CREB5: variants seen among roughly 807,000 people sequenced by gnomAD.
CREB5 encodes cyclic AMP-responsive element-binding protein 5.
A neutral mutation model predicts 57.1 loss-of-function variants in CREB5; 19 were observed. The observed-to-expected ratio is 0.33, with a 90% CI of 0.23 to 0.49. The LOEUF is 0.49. Ranked by LOEUF, CREB5 falls within the 20% of genes least tolerant of loss-of-function variation. The pLI, the probability that CREB5 is intolerant of heterozygous loss-of-function variation, is 0.99. For missense variants in CREB5, 579 were observed against 671.6 expected (o/e 0.86, Z 1.52); for synonymous variants, 238 against 238.3 (o/e 1.00, Z 0.01).
intron 1 of CREB5, among the ~76,000 whole-genome samples, chr7:28,346,755 T>C (rs1786065081): frequency 6.6e-6 from 1 of 152,176 alleles, no homozygotes; most frequent in Non-Finnish European, 1.5e-5. Flanking sequence ...GGCCATCTTC[T>C]GGCTGAGCTC....
At chr7:28,525,422 A>AT (rs1264771614) in intron 4 of CREB5, among the ~76,000 whole-genome samples, 1 of 152,130 alleles carries the variant, frequency 6.6e-6, no homozygotes, top group Non-Finnish European at 1.5e-5. Context: ...CATAGTGGCT[A>AT]TGCTAGCTTA....
intron 3 of CREB5, among the ~76,000 whole-genome samples, chr7:28,504,917 A>G (rs527331867): frequency 7.7e-4 from 118 of 152,262 alleles, no homozygotes; most frequent in African/African-American, 2.7e-3. Context: ...TTTGCTGAAA[A>G]AAAGGAGTGT....
chr7:28,481,126 C>T (rs1050910518), intron 1 of CREB5, among the ~76,000 whole-genome samples: 1 of 152,234 alleles, frequency 6.6e-6, no homozygotes, highest in East Asian at 1.9e-4. Context: ...TCTCCTGTTA[C>T]GGCCCCCTCT....
intron 1 of CREB5, among the ~76,000 whole-genome samples, chr7:28,342,925 A>C (rs962957092): frequency 6.6e-6 from 1 of 151,908 alleles, no homozygotes; most frequent in African/African-American, 2.4e-5. Context: ...TCTTCTGGCT[A>C]TTTTGAAATA....
chr7:28,393,244 G>A (rs1347429802), intron 1 of CREB5, among the ~76,000 whole-genome samples: 1 of 152,054 alleles, frequency 6.6e-6, no homozygotes, highest in African/African-American at 2.4e-5. Flanking sequence ...ATGTTTTTAA[G>A]TCAAGAAATT....
chr7:28,351,715 C>T (rs985155521), intron 1 of CREB5, among the ~76,000 whole-genome samples: 2 of 151,938 alleles, frequency 1.3e-5, no homozygotes, highest in African/African-American at 2.4e-5. Context: ...CACTTTCAAG[C>T]ATTACATTGA....
chr7:28,703,104 A>G (rs1801945933), intron 5 of CREB5, among the ~76,000 whole-genome samples: 1 of 152,236 alleles, frequency 6.6e-6, no homozygotes, highest in Non-Finnish European at 1.5e-5. Context: ...GAACAGGGAA[A>G]TGTCATGACC....
At chr7:28,357,603 C>T (rs893615703) in intron 1 of CREB5, among the ~76,000 whole-genome samples, 1 of 152,060 alleles carries the variant, frequency 6.6e-6, no homozygotes, top group African/African-American at 2.4e-5. Context: ...CCTTCTTTTC[C>T]TTTTCCTGCT....
intron 7 of CREB5, among the ~76,000 whole-genome samples, chr7:28,786,888 G>A (rs2128788112): frequency 6.6e-6 from 1 of 152,288 alleles, no homozygotes; most frequent in African/African-American, 2.4e-5. Flanking sequence ...GAATGTCAGG[G>A]CTAAAGCTTT....
At chr7:28,560,947 T>TGTCC (rs1795206844) in intron 4 of CREB5, among the ~76,000 whole-genome samples, 9 of 21,198 alleles carry the variant, frequency 4.2e-4, no homozygotes, top group Admixed American at 1.1e-3. Context: ...CGTGCGTGTG[T>TGTCC]GTGCGTGTGT....
intron 1 of CREB5, among the ~76,000 whole-genome samples, chr7:28,425,275 A>AG (rs1393700434): frequency 6.6e-6 from 1 of 152,172 alleles, no homozygotes; most frequent in Non-Finnish European, 1.5e-5. Context: ...TAAAAAAAAA[A>AG]CTACTGAAAT....
chr7:28,662,882 C>T (rs1453863880), intron 5 of CREB5, among the ~76,000 whole-genome samples: 7 of 152,104 alleles, frequency 4.6e-5, no homozygotes, highest in African/African-American at 1.7e-4. Flanking sequence ...CGCAGTGGCT[C>T]ACACCTGTAA....
At chr7:28,672,530 C>T (rs1012571081) in intron 5 of CREB5, among the ~76,000 whole-genome samples, 1 of 152,152 alleles carries the variant, frequency 6.6e-6, no homozygotes, top group Non-Finnish European at 1.5e-5. Context: ...AAAATAGGCT[C>T]TGATAAACTC....
rs1804058540 is a variant in CREB5, at chr7:28,737,538, C to CGTATGTATATATATATATATATATAT, written c.702+13210_702+13211insGTATATATATATATATATATATGTAT. Among the ~76,000 whole-genome samples the CGTATGTATATATATATATATATATAT allele has an allele frequency of 4.2e-5, 2 of 47,942 alleles. 1 individual carries two copies. The highest frequency in any genetic ancestry group is 2.0e-4 in the African/African-American group (2 of 9,958). 31.5% of individuals were successfully genotyped at this position (47,942 alleles called of 152,430 possible). ...GTGTGTGTATATATGTATATATATACGTATATATATATATATATATATATA... is the reference window on the plus strand; with the variant it reads ...GTGTGTGTATATATGTATATATATACGTATGTATATATATATATATATATATGTATATATATATATATATATATATA... On this transcript the variant is annotated intron_variant, in intron 7 of 10. Transcript: ENST00000357727.
chr7:28,398,212 C>T (rs1462540800), intron 1 of CREB5, among the ~76,000 whole-genome samples: 1 of 152,126 alleles, frequency 6.6e-6, no homozygotes, highest in Non-Finnish European at 1.5e-5. Flanking sequence ...TTTTCTCCTT[C>T]ATTGTGTATT....
chr7:28,818,217 A>G lies in CREB5; in HGVS notation c.1363+38A>G, dbSNP rs1205199733. The G allele has an allele frequency of 6.1e-6, 9 of 1,475,808 alleles. No individual in the cohort carries two copies. The East Asian group carries it at 9.0e-5, about 15-fold the overall frequency. 91.4% of individuals were successfully genotyped at this position (1,475,808 alleles called of 1,614,324 possible). On this transcript the variant is annotated intron_variant, in intron 10 of 10. Transcript: ENST00000357727. ...CTTTTTCACTTTTCTTTAGTGTCCA[A>G]TATTTTTTGCCACTAAGTTTGCACT...
chr7:28,334,462 C>T (rs1583684464), intron 1 of CREB5, among the ~76,000 whole-genome samples: 1 of 152,124 alleles, frequency 6.6e-6, no homozygotes, highest in Admixed American at 6.6e-5. Context: ...CAGCTAACCA[C>T]CTTTTTATAT....
intron 5 of CREB5, among the ~76,000 whole-genome samples, chr7:28,676,357 G>T (rs751795706): frequency 5.3e-5 from 8 of 152,088 alleles, no homozygotes; most frequent in African/African-American, 1.9e-4. Flanking sequence ...CTTCTGTGGC[G>T]CTATGACAGT....
chr7:28,773,036 C>T (rs943613842), intron 7 of CREB5, among the ~76,000 whole-genome samples: 8 of 152,122 alleles, frequency 5.3e-5, no homozygotes, highest in South Asian at 2.1e-4. Context: ...GCAGGGTTTT[C>T]GAGAGCTTTA....
Sources: gnomAD v4.1 joint callset for allele counts (sites outside exome capture counted in the v4.1 genomes callset) on GRCh38, gnomAD v4.1.1 for gene constraint, MANE v1.5 for transcripts, NCBI Gene and HGNC (gene_info 2026-07-23, HGNC 2026-07-21) for gene names.